KANSL1: variants seen among roughly 807,000 people sequenced by gnomAD.
KANSL1 encodes KAT8 regulatory NSL complex subunit 1, also known as MLL1/MLL complex subunit KANSL1.
Under a neutral mutation model 103.6 loss-of-function variants are expected in KANSL1, and 22 were observed. That is an observed-to-expected ratio of 0.21 (90% CI 0.15 to 0.30). The LOEUF is 0.30. Ranked by LOEUF, KANSL1 falls within the 10% of genes least tolerant of loss-of-function variation. KANSL1 has a pLI of 1.00. For synonymous variants in KANSL1, 600 were observed against 527.6 expected, an observed-to-expected ratio of 1.14 and a Z score of -1.88; for missense variants, 1,337 against 1,399.8, an observed-to-expected ratio of 0.96 and a Z score of 0.72.
intron 2 of KANSL1, among the ~76,000 whole-genome samples, chr17:46,154,388 T>C (rs538459353): frequency 6.6e-6 from 1 of 152,320 alleles, no homozygotes; most frequent in South Asian, 2.1e-4. Flanking sequence ...CAAGTGATCC[T>C]CCCATCTCAG....
At chr17:46,141,112 G>C (rs1262635182) in intron 2 of KANSL1, among the ~76,000 whole-genome samples, 1 of 151,438 alleles carries the variant, frequency 6.6e-6, no homozygotes, top group Non-Finnish European at 1.5e-5. Context: ...ATTAACTAAA[G>C]TACTTGTATT....
intron 1 of KANSL1, among the ~76,000 whole-genome samples, chr17:46,187,262 T>C (rs1014927882): frequency 2.6e-5 from 4 of 152,252 alleles, no homozygotes; most frequent in Non-Finnish European, 5.9e-5. Context: ...TCCCTAATAC[T>C]TACCTTCCAA....
intron 11 of KANSL1, among the ~76,000 whole-genome samples, chr17:46,033,856 T>A (rs1381638180): frequency 1.3e-5 from 2 of 152,218 alleles, no homozygotes; most frequent in Non-Finnish European, 2.9e-5. Flanking sequence ...TTATGTGAAA[T>A]CCTGCTTTGA....
At chr17:46,152,383 A>G (rs1346707764) in intron 2 of KANSL1, among the ~76,000 whole-genome samples, 1 of 152,238 alleles carries the variant, frequency 6.6e-6, no homozygotes, top group African/African-American at 2.4e-5. Context: ...TAAAAACCTA[A>G]AACTATCAAG....
chr17:46,046,183 A>G lies in KANSL1; in HGVS notation c.2020+4350T>C, dbSNP rs1226493222. ...AAACCCATTAGCCATTTAGTTTTAG[A>G]TAAGCCACAACCTTACCAAGCCTGT... On this transcript the variant is annotated intron_variant, in intron 7 of 14. Coordinates refer to ENST00000432791, the MANE Select transcript of KANSL1 (RefSeq NM_015443.4). 3 of 152,170 alleles carry G rather than the reference A, an allele frequency of 2.0e-5. No homozygotes were observed. In the East Asian group the frequency reaches 5.8e-4, roughly 29 times the overall value. The allele number at this position is 152,170 out of a possible 1,614,324, so 9.4% of individuals were successfully genotyped here. A position where few individuals can be genotyped will look rare whatever the true frequency, so the allele number is the denominator to read the frequency against.
At chr17:46,215,463 G>A (rs543253561) in intron 1 of KANSL1, among the ~76,000 whole-genome samples, 40 of 152,344 alleles carry the variant, frequency 2.6e-4, no homozygotes, top group Non-Finnish European at 5.4e-4. Flanking sequence ...TGTTGGCAGC[G>A]ACTTGGAAGA....
upstream of KANSL1, chr17:46,194,018 G>GC (rs1435246752): frequency 6.5e-6 from 1 of 153,128 alleles, no homozygotes; most frequent in Non-Finnish European, 1.5e-5. Context: ...CTGGGCACTA[G>GC]CCCCAGCACC....
At chr17:46,049,039 T>C (rs2077612056) in intron 7 of KANSL1, among the ~76,000 whole-genome samples, 1 of 152,162 alleles carries the variant, frequency 6.6e-6, no homozygotes. Context: ...AATCTTTTAG[T>C]GGTACCCTCT....
chr17:46,200,064 CA>C (rs2047745850), intron 1 of KANSL1, among the ~76,000 whole-genome samples: 1 of 151,802 alleles, frequency 6.6e-6, no homozygotes, highest in South Asian at 2.1e-4. Flanking sequence ...CACACACACA[CA>C]CCCTGATTAT....
chr17:46,036,852 T>C (rs12150162), intron 10 of KANSL1, among the ~76,000 whole-genome samples: 21,790 of 152,164 alleles, frequency 0.14, 2,129 homozygotes, highest in Non-Finnish European at 0.22. Flanking sequence ...GCTGGAACTA[T>C]AGGCACATGC....
At chr17:46,091,233 T>A (rs1217187562) in intron 3 of KANSL1, among the ~76,000 whole-genome samples, 1 of 152,228 alleles carries the variant, frequency 6.6e-6, no homozygotes, top group Non-Finnish European at 1.5e-5. Context: ...ACTTTCATTT[T>A]AAAATGGAAA....
intron 1 of KANSL1, among the ~76,000 whole-genome samples, chr17:46,199,892 A>G (rs971502520): frequency 1.3e-5 from 2 of 152,242 alleles, no homozygotes; most frequent in Non-Finnish European, 2.9e-5. Flanking sequence ...CTCTCAGGCC[A>G]TCAGCTATTG....
chr17:46,039,635 T>G (rs1475446787), intron 8 of KANSL1, 67 bp downstream of exon 8: 3 of 1,528,150 alleles, frequency 2.0e-6, no homozygotes, highest in Admixed American at 4.0e-5. Context: ...AACTACAAAT[T>G]TGAGAATATA....
chr17:46,219,777 T>C (rs2048462747), intron 1 of KANSL1, among the ~76,000 whole-genome samples: 1 of 152,232 alleles, frequency 6.6e-6, no homozygotes, highest in Admixed American at 6.5e-5. Context: ...TATGGGCCCT[T>C]TTGCGTGTGT....
intron 3 of KANSL1, among the ~76,000 whole-genome samples, chr17:46,083,903 G>A (rs1490888468): frequency 1.3e-5 from 2 of 151,878 alleles, no homozygotes; most frequent in African/African-American, 4.8e-5. Context: ...CCATCCCTGG[G>A]GTCCTTGTAA....
At chr17:46,046,868 A>G (rs2077531526) in intron 7 of KANSL1, among the ~76,000 whole-genome samples, 1 of 150,234 alleles carries the variant, frequency 6.7e-6, no homozygotes, top group Admixed American at 6.7e-5. Flanking sequence ...AAGAATTTTG[A>G]AAGCAGCATA....
intron 1 of KANSL1, among the ~76,000 whole-genome samples, chr17:46,217,549 T>C (rs1481398095): frequency 6.6e-6 from 1 of 151,138 alleles, no homozygotes; most frequent in Non-Finnish European, 1.5e-5. Flanking sequence ...CTAATCCCAA[T>C]ATGACTTGTC....
chr17:46,126,936 A>C (rs2043589731), intron 2 of KANSL1, among the ~76,000 whole-genome samples: 2 of 149,730 alleles, frequency 1.3e-5, no homozygotes, highest in Admixed American at 1.3e-4. Context: ...AACTGTAACC[A>C]GTAACATCCA....
chr17:46,033,029 CCT>C (rs1568367047), intron 13 of KANSL1, 49 bp downstream of exon 13: 1 of 1,430,068 alleles, frequency 7.0e-7, no homozygotes, highest in Non-Finnish European at 9.5e-7. Flanking sequence ...GCCCAAACTC[CCT>C]GTCCACCCTC....
Sources: gnomAD v4.1 joint callset for allele counts (sites outside exome capture counted in the v4.1 genomes callset) on GRCh38, gnomAD v4.1.1 for gene constraint, MANE v1.5 for transcripts, NCBI Gene and HGNC (gene_info 2026-07-23, HGNC 2026-07-21) for gene names.